SETD3: variants seen among roughly 807,000 people sequenced by gnomAD.
SETD3 encodes the protein actin-histidine N-methyltransferase.
Under a neutral mutation model 63.0 loss-of-function variants are expected in SETD3, and 19 were observed. That is an observed-to-expected ratio of 0.30 (90% CI 0.21 to 0.44). The LOEUF (loss-of-function observed/expected upper bound fraction) is 0.44, where lower values mean the gene tolerates loss of function less well. SETD3 is among the 20% of genes least tolerant of loss of function. SETD3 has a pLI of 1.00. For missense variants in SETD3, 587 were observed against 728.5 expected, an observed-to-expected ratio of 0.81 and a Z score of 2.24; for synonymous variants, 286 against 264.1, an observed-to-expected ratio of 1.08 and a Z score of -0.80.
intron 1 of SETD3, chr14:99,478,819 C>T (rs939503048): frequency 5.3e-5 from 8 of 152,186 alleles, no homozygotes; most frequent in Non-Finnish European, 7.3e-5. Flanking sequence ...GACCGTTTAT[C>T]AGAACTCTCA....
intron 6 of SETD3, among the ~76,000 whole-genome samples, chr14:99,444,747 A>T (rs1163704373): frequency 2.7e-5 from 4 of 150,128 alleles, no homozygotes; most frequent in African/African-American, 9.8e-5. Flanking sequence ...ACGTGGGAAG[A>T]TGGCTTGAGC....
chr14:99,420,778 C>G (rs1305276470), intron 6 of SETD3, among the ~76,000 whole-genome samples: 1 of 152,036 alleles, frequency 6.6e-6, no homozygotes, highest in Non-Finnish European at 1.5e-5. Context: ...ATCAAGCCCA[C>G]CAGTCCTCTG....
At chr14:99,446,456 A>G (rs1359284516) in intron 6 of SETD3, among the ~76,000 whole-genome samples, 1 of 152,210 alleles carries the variant, frequency 6.6e-6, no homozygotes, top group Non-Finnish European at 1.5e-5. Flanking sequence ...TGCTCAGCCC[A>G]CAGCGGGCAT....
At chr14:99,417,119 G>T (rs909508195) in intron 6 of SETD3, among the ~76,000 whole-genome samples, 2 of 152,168 alleles carry the variant, frequency 1.3e-5, no homozygotes, top group Non-Finnish European at 2.9e-5. Context: ...AACCACTACA[G>T]TCAGCATATT....
At chr14:99,486,161 T>C in the SETD3 span, among the ~76,000 whole-genome samples, 5 of 152,336 alleles carry the variant, frequency 3.3e-5, 1 homozygote, top group African/African-American at 1.2e-4. Context: ...AACTTTTCTT[T>C]AGCATTTGTC....
At chr14:99,410,534 A>G (rs1236743935) in intron 8 of SETD3, among the ~76,000 whole-genome samples, 1 of 152,218 alleles carries the variant, frequency 6.6e-6, no homozygotes. Flanking sequence ...ACAGTCACTT[A>G]GAAGTATCCT....
chr14:99,402,887 A>G (rs1891459680), intron 11 of SETD3, among the ~76,000 whole-genome samples: 1 of 152,226 alleles, frequency 6.6e-6, no homozygotes, highest in African/African-American at 2.4e-5. Flanking sequence ...AAGGAATATC[A>G]TCACCATCAC....
At chr14:99,404,437 C>G (rs753882048) in intron 10 of SETD3, 127 bp from the exon 11 acceptor site, 35 of 782,008 alleles carry the variant, frequency 4.5e-5, no homozygotes, top group Non-Finnish European at 7.4e-5. Flanking sequence ...TGGGTCATTC[C>G]AGCTCCTCAT....
At chr14:99,481,262 C>T (rs1017609594), upstream of SETD3, 1 of 396,170 alleles carries the variant, frequency 2.5e-6, no homozygotes, top group African/African-American at 2.1e-5. Flanking sequence ...AGCCACTGAC[C>T]CGCGGGGCGG....
upstream of SETD3, among the ~76,000 whole-genome samples, chr14:99,485,725 T>A (rs891480931): frequency 2.6e-5 from 4 of 152,188 alleles, no homozygotes; most frequent in Non-Finnish European, 5.9e-5. Context: ...CCAGGCACGG[T>A]GGCTTATGCC....
At chr14:99,483,374 C>A (rs1896403914), upstream of SETD3, among the ~76,000 whole-genome samples, 1 of 152,008 alleles carries the variant, frequency 6.6e-6, no homozygotes, top group Non-Finnish European at 1.5e-5. Flanking sequence ...CATAGTGAGA[C>A]CTCACCACTA....
rs1466664480 is a variant in SETD3 at position 99,461,345 on chromosome 14, A to G, written c.197-5T>C. 1 of 1,607,656 alleles carries G rather than the reference A, an allele frequency of 6.2e-7. No individual in the cohort carries two copies. The highest frequency in any genetic ancestry group is 1.1e-5 in the South Asian group (1 of 89,492). ...CATCAAAAGTAACGGACAGACCTAT[A>G]TTAATCCACGTTTTAGAAAACAAGA... On this transcript the variant is annotated splice_region_variant and splice_polypyrimidine_tract_variant and intron_variant, in intron 3 of 12. Coordinates refer to ENST00000331768, the MANE Select transcript of SETD3 (RefSeq NM_032233.3).
intron 6 of SETD3, among the ~76,000 whole-genome samples, chr14:99,430,531 A>G (rs1893115183): frequency 6.6e-6 from 1 of 152,256 alleles, no homozygotes; most frequent in African/African-American, 2.4e-5. Flanking sequence ...CTTGTTCCTC[A>G]GGGTATTTAA....
chr14:99,459,578 C>T (rs960826787), intron 4 of SETD3, among the ~76,000 whole-genome samples: 2 of 152,212 alleles, frequency 1.3e-5, no homozygotes, highest in Non-Finnish European at 2.9e-5. Context: ...AACAAAAACC[C>T]TAATCTGTCG....
chr14:99,470,653 C>T lies in SETD3; in HGVS notation c.-8-4840G>A, dbSNP rs79082628. ...CCCTGTACCCTGAATCCCAGGCAGT[C>T]GGGCGTGAACTTAAGTCACTGAAGG... On this transcript the variant is annotated intron_variant, in intron 1 of 12. Transcript: ENST00000331768. 0.01 allele frequency among the ~76,000 whole-genome samples: 1,571 copies of T among 152,260 alleles called. 49 individuals carry two copies. In the East Asian group the frequency reaches 0.13, roughly 12 times the overall value.
chr14:99,472,064 T>A (rs1895732813), intron 1 of SETD3, among the ~76,000 whole-genome samples: 1 of 152,230 alleles, frequency 6.6e-6, no homozygotes, highest in African/African-American at 2.4e-5. Context: ...ACTCTAAGTA[T>A]ACGCAAGCTT....
chr14:99,465,417 C>T (rs1157941707), intron 2 of SETD3, among the ~76,000 whole-genome samples: 3 of 152,186 alleles, frequency 2.0e-5, no homozygotes, highest in Non-Finnish European at 4.4e-5. Context: ...AGCTTCTTCT[C>T]GCCCACAGGT....
intron 1 of SETD3, among the ~76,000 whole-genome samples, chr14:99,468,071 G>C (rs934191031): frequency 5.3e-5 from 8 of 151,124 alleles, no homozygotes; most frequent in Admixed American, 3.3e-4. Context: ...CCTTCTCTTT[G>C]TCCAAGGTCA....
chr14:99,432,843 T>C (rs1171051603), intron 6 of SETD3, among the ~76,000 whole-genome samples: 1 of 152,104 alleles, frequency 6.6e-6, no homozygotes, highest in Non-Finnish European at 1.5e-5. Flanking sequence ...GGCCCAGGTG[T>C]GACAGCCAAA....
Sources: allele counts gnomAD v4.1 joint callset (sites outside exome capture counted in the v4.1 genomes callset), GRCh38; gene constraint gnomAD v4.1.1; transcripts MANE v1.5; gene names NCBI Gene and HGNC (gene_info 2026-07-23, HGNC 2026-07-21).